The following FAN1 variants were observed in gnomAD, a reference collection of about 807,000 sequenced individuals.
FAN1 encodes the protein fanconi-associated nuclease 1.
FAN1 carries 91 observed loss-of-function variants against 104.9 expected under a neutral mutation model. That is an observed-to-expected ratio of 0.87 (90% CI 0.73 to 1.03). FAN1 has a LOEUF of 1.03. Among genes scored for constraint, FAN1 ranks in the 50% least tolerant of loss-of-function variants. The pLI, the probability that FAN1 is intolerant of heterozygous loss-of-function variation, is 0.00. For synonymous variants in FAN1, 478 were observed against 457.6 expected (o/e 1.04, Z -0.57); for missense variants, 1,263 against 1,239.9 (o/e 1.02, Z -0.28).
In FAN1 at chr15:30,905,413, A is replaced by G; in HGVS notation, c.750A>G (p.Lys250=). ...ESQKATRECE[K]SALTPGFSDN... The stretch of plus-strand genomic sequence containing the variant: ...AAAAGGCTACCCGGGAATGTGAGAA[A>G]TCAGCCCTCACCCCTGGATTCTCAG... Residue 250 remains lysine (K), a synonymous_variant, in exon 2 of 15, where the codon AAA becomes AAG. Transcript: ENST00000362065. 6.2e-7 allele frequency: 1 copy of G among 1,614,186 alleles called. No homozygotes were observed. Among genetic ancestry groups the G allele is most frequent in the Non-Finnish European group, 8.5e-7 (1 of 1,180,030 alleles).
chr15:30,908,762 A>T (rs1469726847), intron 3 of FAN1, among the ~76,000 whole-genome samples: 9 of 152,080 alleles, frequency 5.9e-5, no homozygotes, highest in African/African-American at 1.7e-4. Context: ...AATCACTTGA[A>T]CCCGGGAGGC....
intron 13 of FAN1, among the ~76,000 whole-genome samples, chr15:30,933,524 C>T (rs889935474): frequency 7.9e-5 from 12 of 152,086 alleles, no homozygotes; most frequent in Non-Finnish European, 1.5e-4. Flanking sequence ...TTTGTTGAGA[C>T]TTGTTTTATG....
At chr15:30,922,453 A>G in intron 8 of FAN1, 99 bp downstream of exon 8, 1 of 1,194,936 alleles carries the variant, frequency 8.4e-7, no homozygotes, top group South Asian at 1.5e-5. Context: ...TGTAATTAGA[A>G]CATGTATTTC....
chr15:30,905,484 C>T lies in FAN1; in HGVS notation c.821C>T (p.Thr274Ile), dbSNP rs915072131. 7 of 1,613,868 alleles carry T rather than the reference C, an allele frequency of 4.3e-6. 1 individual carries two copies. The highest frequency in any genetic ancestry group is 2.7e-5 in the African/African-American group (2 of 74,914). Residue 274 changes from threonine to isoleucine, a missense_variant, in exon 2 of 15, where the codon ACA (threonine) becomes ATA (isoleucine). Physicochemically the swap from Thr to Ile is moderately conservative, Grantham distance 89. Coordinates refer to ENST00000362065, the MANE Select transcript of FAN1 (RefSeq NM_014967.5). ...TCACCAGATTTCACTCTTAGGAATA[C>T]ATTAAAGTCTACTTCAGAAGACAGT... ...LFSPDFTLRNTLKSTSEDSLV... is the reference protein window; with the variant it reads ...LFSPDFTLRNILKSTSEDSLV...
intron 10 of FAN1, chr15:30,926,565 T>A: frequency 1.1e-6 from 1 of 946,428 alleles, no homozygotes; most frequent in African/African-American, 1.8e-5. Flanking sequence ...TTCTTTCTGA[T>A]GAGTGTTGAG....
At chr15:30,918,720 C>T (rs1244592672) in intron 6 of FAN1, among the ~76,000 whole-genome samples, 5 of 152,190 alleles carry the variant, frequency 3.3e-5, no homozygotes, top group African/African-American at 7.2e-5. Flanking sequence ...GCGAACTTTC[C>T]AGGTACACAG....
At position 30,910,978 on chromosome 15, in the gene FAN1, G is replaced by A. The variant is rs535907206; in HGVS notation, c.1577+163G>A. The stretch of plus-strand genomic sequence containing the variant: ...ATTGCAATAGCCTGGATTCTTTCTT[G>A]GGTTATTATTCAAAATTTTTGTCGT... On this transcript the variant is annotated intron_variant, in intron 4 of 14. Coordinates refer to ENST00000362065, the MANE Select transcript of FAN1 (RefSeq NM_014967.5). The A allele has an allele frequency of 1.2e-4, 152 of 1,321,010 alleles. No homozygotes were observed. In the African/African-American group the frequency reaches 1.8e-3, roughly 16 times the overall value. The allele number at this position is 1,321,010 out of a possible 1,614,324, so 81.8% of individuals were successfully genotyped here.
At chr15:30,932,793 A>T (rs1360751815) in intron 13 of FAN1, among the ~76,000 whole-genome samples, 3 of 150,136 alleles carry the variant, frequency 2.0e-5, no homozygotes, top group Middle Eastern at 6.9e-3. Flanking sequence ...GCTCACTGCA[A>T]CTTCCGCCTC....
intron 10 of FAN1, chr15:30,927,040 G>A (rs2062480507): frequency 4.1e-6 from 4 of 984,430 alleles, no homozygotes; most frequent in Non-Finnish European, 3.6e-6. Flanking sequence ...AACCAGGCAC[G>A]GTAGCTTACA....
chr15:30,927,245 GCCTTTATATT>G (rs2062487171), intron 10 of FAN1: 14 of 985,530 alleles, frequency 1.4e-5, no homozygotes, highest in Non-Finnish European at 1.7e-5. Context: ...AAATGATCTG[GCCTTTATATT>G]CCTGCCTGAT....
chr15:30,909,304 G>T (rs1482770551), intron 3 of FAN1, among the ~76,000 whole-genome samples: 1 of 152,202 alleles, frequency 6.6e-6, no homozygotes, highest in East Asian at 1.9e-4. Context: ...GTGTGTTAGG[G>T]TGGGGCTGGA....
In FAN1 at chr15:30,913,945, C is replaced by T. The variant is rs138530384; in HGVS notation, c.1665C>T (p.Thr555=). The change falls in exon 5 of 15, where the codon ACC becomes ACT. Residue 555 remains threonine (T), a synonymous_variant. Coordinates refer to ENST00000362065, the MANE Select transcript of FAN1 (RefSeq NM_014967.5). ...GCATCTTGCTACTGTTTTCGTTGAC[C>T]GACTCAATGGAAGATGAAGACGCCG... ...FSRILLLFSL[T]DSMEDEDAAC... 15 of 1,613,948 alleles carry T rather than the reference C, an allele frequency of 9.3e-6. No individual in the cohort carries two copies. Among genetic ancestry groups the T allele is most frequent in the African/African-American group, 6.7e-5 (5 of 74,876 alleles).
At chr15:30,928,802 T>C in intron 11 of FAN1, 146 bp downstream of exon 11, 1 of 1,465,152 alleles carries the variant, frequency 6.8e-7, no homozygotes, top group Non-Finnish European at 9.0e-7. Context: ...GATAACTTAT[T>C]TTAAAAATCT....
At chr15:30,911,002 G>A (rs1377252796) in intron 4 of FAN1, 187 bp downstream of exon 4, 27 of 1,305,856 alleles carry the variant, frequency 2.1e-5, no homozygotes, top group South Asian at 5.3e-5. Context: ...AATTTTTGTC[G>A]TAATACCGTA....
intron 10 of FAN1, chr15:30,928,050 C>T: frequency 3.0e-6 from 3 of 992,454 alleles, no homozygotes; most frequent in Non-Finnish European, 3.6e-6. Context: ...GGATGAGGTG[C>T]ATCAGAGCAG....
In FAN1 at chr15:30,905,178, A is replaced by T. The variant is rs1171190602; in HGVS notation, c.515A>T (p.Lys172Met). The T allele has an allele frequency of 1.2e-6, 2 of 1,613,610 alleles. No homozygotes were observed. Among genetic ancestry groups the T allele is most frequent in the Non-Finnish European group, 1.7e-6 (2 of 1,179,958 alleles). ...KYVKAKKSID[K>M]DEEFAGSSPQ... is the part of the protein sequence containing the mutation. ...GTAAAGGCTAAAAAATCAATAGATA[A>T]GGATGAAGAATTTGCCGGTTCTAGT... is the stretch of plus-strand genomic sequence containing the variant. The change falls in exon 2 of 15, where the codon AAG becomes ATG. Residue 172 changes from lysine (K) to methionine (M), a missense_variant. Physicochemically the swap from Lys to Met is moderately conservative, Grantham distance 95 (BLOSUM62 -1). Transcript: ENST00000362065.
intron 13 of FAN1, among the ~76,000 whole-genome samples, chr15:30,936,377 G>C (rs1424420889): frequency 6.7e-6 from 1 of 150,288 alleles, no homozygotes; most frequent in Non-Finnish European, 1.5e-5. Context: ...TGAGGGCCTT[G>C]GGGTAGGGAA....
In FAN1 at chr15:30,905,012, GC is replaced by G; in HGVS notation, c.350del (p.Ala117GlufsTer5). 1 of 1,614,006 alleles carries G rather than the reference GC, an allele frequency of 6.2e-7. No individual in the cohort carries two copies. Among genetic ancestry groups the G allele is most frequent in the Non-Finnish European group, 8.5e-7 (1 of 1,180,006 alleles). On this transcript the variant is annotated frameshift_variant, in exon 2 of 15. Coordinates refer to ENST00000362065, the MANE Select transcript of FAN1 (RefSeq NM_014967.5). LOFTEE classifies it high-confidence loss of function. ...TNLTPGQSDS[A>X]KREVKQKISP... The stretch of plus-strand genomic sequence containing the variant: ...TTTAACCCCTGGCCAAAGTGATTCA[GC>G]AAAAAGGGAAGTAAAGCAGAAGATC...
At chr15:30,923,663 C>G (rs1288624765) in intron 8 of FAN1, among the ~76,000 whole-genome samples, 3 of 152,238 alleles carry the variant, frequency 2.0e-5, no homozygotes, top group Non-Finnish European at 4.4e-5. Flanking sequence ...CCCTCCCTCT[C>G]CGAGGCCAGG....
Sources: allele counts gnomAD v4.1 joint callset (sites outside exome capture counted in the v4.1 genomes callset), GRCh38; gene constraint gnomAD v4.1.1; transcripts MANE v1.5; gene names NCBI Gene and HGNC (gene_info 2026-07-23, HGNC 2026-07-21).